The following NOSTRIN variants were observed in gnomAD, a reference collection of about 807,000 sequenced individuals.
NOSTRIN encodes the protein nitric oxide synthase trafficking, also known as BM247 homolog.
NOSTRIN carries 63 observed loss-of-function variants against 59.0 expected under a neutral mutation model. The observed-to-expected ratio is 1.07, with a 90% confidence interval of 0.87 to 1.32. NOSTRIN has a LOEUF of 1.32. Ranked by LOEUF, NOSTRIN falls within the 40% of genes most tolerant of loss-of-function variation. The pLI, the probability that NOSTRIN is intolerant of heterozygous loss-of-function variation, is 0.00. For missense variants in NOSTRIN, 512 were observed against 473.1 expected, an observed-to-expected ratio of 1.08 and a Z score of -0.76; for synonymous variants, 200 against 165.4, an observed-to-expected ratio of 1.21 and a Z score of -1.61.
chr2:168,863,528 G>T (rs1432438641), intron 15 of NOSTRIN: 2 of 985,156 alleles, frequency 2.0e-6, no homozygotes, highest in Non-Finnish European at 2.4e-6. Flanking sequence ...CATGTTTCTT[G>T]TCCAATTCTC....
intron 2 of NOSTRIN, among the ~76,000 whole-genome samples, chr2:168,820,999 A>T (rs1686704123): frequency 6.6e-6 from 1 of 152,202 alleles, no homozygotes; most frequent in South Asian, 2.1e-4. Context: ...GAGCCAACGG[A>T]CAAGAAAACG....
At chr2:168,838,910 A>G (rs773952070) in intron 7 of NOSTRIN, among the ~76,000 whole-genome samples, 23 of 151,698 alleles carry the variant, frequency 1.5e-4, no homozygotes, top group Admixed American at 1.1e-3. Flanking sequence ...TAGCCTCCCA[A>G]GTAGCTGGGA....
chr2:168,864,301 G>C (rs1288482304), intron 15 of NOSTRIN, among the ~76,000 whole-genome samples: 4 of 144,056 alleles, frequency 2.8e-5, no homozygotes, highest in African/African-American at 1.0e-4. Context: ...TTTTTTCTGA[G>C]ACAGAGTCTT....
intron 8 of NOSTRIN, among the ~76,000 whole-genome samples, chr2:168,844,742 C>T (rs945015358): frequency 2.6e-5 from 4 of 152,018 alleles, no homozygotes; most frequent in East Asian, 1.9e-4. Context: ...TGGTGGCGGG[C>T]GCCTGTTGTC....
At chr2:168,811,981 T>C (rs1686163412) in intron 2 of NOSTRIN, 1 of 172,380 alleles carries the variant, frequency 5.8e-6, no homozygotes, top group Non-Finnish European at 1.2e-5. Context: ...CCGACAGCAA[T>C]TATTTACATT....
intron 7 of NOSTRIN, among the ~76,000 whole-genome samples, chr2:168,838,631 A>G (rs1687878108): frequency 6.6e-6 from 1 of 151,940 alleles, no homozygotes; most frequent in Non-Finnish European, 1.5e-5. Context: ...GTTTTTTGTA[A>G]CCAACAAATC....
intron 7 of NOSTRIN, 38 bp from the exon 8 acceptor site, chr2:168,842,954 T>G (rs762832904): frequency 1.2e-6 from 1 of 859,088 alleles, no homozygotes; most frequent in East Asian, 2.4e-5. Flanking sequence ...CTTTCAAAAA[T>G]GTGTTAGTAA....
chr2:168,859,442 C>T lies in NOSTRIN; in HGVS notation c.1054-70C>T, dbSNP rs1689306912. Reference sequence around the variant, plus strand: ...AACCTTTGTTATTTTGAAAGTTATTCTGATATTCCTATCCAGTTGTGCCTC... The same window carrying T: ...AACCTTTGTTATTTTGAAAGTTATTTTGATATTCCTATCCAGTTGTGCCTC... On this transcript the variant is annotated intron_variant, in intron 12 of 15. Transcript: ENST00000317647. 5 of 1,563,904 alleles carry T rather than the reference C, an allele frequency of 3.2e-6. No individual in the cohort carries two copies. The South Asian group carries it at 4.8e-5, about 15-fold the overall frequency.
In NOSTRIN at chr2:168,865,061, T is replaced by C. The variant is rs967331463; in HGVS notation, c.*91T>C. ...ATAAAGTGCTCTTACCTTTACATGTTTTTCTTTTGAAATGGATGGAGTTCT... is the reference window on the plus strand; with the variant it reads ...ATAAAGTGCTCTTACCTTTACATGTCTTTCTTTTGAAATGGATGGAGTTCT... On this transcript the variant is annotated 3_prime_UTR_variant, in exon 16 of 16. Coordinates refer to ENST00000317647, the MANE Select transcript of NOSTRIN (RefSeq NM_001039724.4). 1 of 1,415,774 alleles carries C rather than the reference T, an allele frequency of 7.1e-7. No individual in the cohort carries two copies. The highest frequency in any genetic ancestry group is 9.6e-7 in the Non-Finnish European group (1 of 1,038,740). The allele number at this position is 1,415,774 out of a possible 1,614,324, so 87.7% of individuals were successfully genotyped here. A position where few individuals can be genotyped will look rare whatever the true frequency, so the allele number is the denominator to read the frequency against.
intron 15 of NOSTRIN, chr2:168,863,548 CTCTT>C: frequency 1.0e-6 from 1 of 985,250 alleles, no homozygotes; most frequent in Non-Finnish European, 1.2e-6. Context: ...CTATGGAATT[CTCTT>C]TATTTGAATC....
chr2:168,824,412 C>T lies in NOSTRIN; in HGVS notation c.114-222C>T, dbSNP rs558204905. Among the ~76,000 whole-genome samples, 6 of 152,228 alleles carry T rather than the reference C, an allele frequency of 3.9e-5. No homozygotes were observed. The South Asian group carries it at 1.2e-3, about 32-fold the overall frequency. On this transcript the variant is annotated intron_variant, in intron 2 of 15. Coordinates refer to ENST00000317647, the MANE Select transcript of NOSTRIN (RefSeq NM_001039724.4). Reference sequence around the variant, plus strand: ...TTCCCATGCTCAAGCGATTCTCGCACCTCAGCCTCCCAAGTAGCTGGGATT... The same window carrying T: ...TTCCCATGCTCAAGCGATTCTCGCATCTCAGCCTCCCAAGTAGCTGGGATT...
chr2:168,851,489 TATC>T (rs1688768654), intron 10 of NOSTRIN, 85 bp downstream of exon 10: 1 of 1,498,926 alleles, frequency 6.7e-7, no homozygotes, highest in African/African-American at 1.4e-5. Context: ...TGAAAGCAAA[TATC>T]ATGTTTTATC....
intron 13 of NOSTRIN, 42 bp downstream of exon 13, chr2:168,859,679 T>G (rs1400580229): frequency 6.2e-7 from 1 of 1,607,630 alleles, no homozygotes; most frequent in Non-Finnish European, 8.5e-7. Flanking sequence ...TGATTGGGCC[T>G]GCTGGGTGGA....
At chr2:168,820,192 T>A (rs1326386951) in intron 2 of NOSTRIN, among the ~76,000 whole-genome samples, 1 of 152,242 alleles carries the variant, frequency 6.6e-6, no homozygotes, top group African/African-American at 2.4e-5. Flanking sequence ...CCAGCCAGAC[T>A]GCCCAGGGCT....
At chr2:168,848,021 C>T (rs186515932) in intron 8 of NOSTRIN, among the ~76,000 whole-genome samples, 2 of 152,298 alleles carry the variant, frequency 1.3e-5, no homozygotes, top group East Asian at 3.9e-4. Flanking sequence ...ACTAGGGATG[C>T]AATATGTTCT....
chr2:168,786,608 C>T (rs1685209022), exon 1 of NOSTRIN: 1 of 152,078 alleles, frequency 6.6e-6, no homozygotes, highest in African/African-American at 2.4e-5. Context: ...AGGGAAGAAT[C>T]AGGAGAAAAG....
In NOSTRIN at chr2:168,826,479, T is replaced by C. The variant is rs140283947; in HGVS notation, c.198-1679T>C. Among the ~76,000 whole-genome samples, 927 of 148,468 alleles carry C rather than the reference T, an allele frequency of 6.2e-3. 4 individuals carry two copies. The highest frequency in any genetic ancestry group is 0.01 in the Middle Eastern group (3 of 288). ...CTTCCTCCCTTGCTTCCTTCGTTCC[T>C]TCTCTTTCCATTTTTACCCTGTCTT... is the stretch of plus-strand genomic sequence containing the variant. On this transcript the variant is annotated intron_variant, in intron 3 of 15. Coordinates refer to ENST00000317647, the MANE Select transcript of NOSTRIN (RefSeq NM_001039724.4).
chr2:168,849,332 A>G (rs898172190), intron 8 of NOSTRIN, among the ~76,000 whole-genome samples: 1 of 151,598 alleles, frequency 6.6e-6, no homozygotes, highest in Non-Finnish European at 1.5e-5. Flanking sequence ...CAGGCCTTGT[A>G]TTTTTTCTTT....
chr2:168,804,401 A>G (rs771758100), intron 1 of NOSTRIN, among the ~76,000 whole-genome samples: 8 of 152,188 alleles, frequency 5.3e-5, no homozygotes, highest in Non-Finnish European at 8.8e-5. Flanking sequence ...TGGGTTTCCA[A>G]ACCCTCTAAA....
Sources: allele counts gnomAD v4.1 joint callset (sites outside exome capture counted in the v4.1 genomes callset), GRCh38; gene constraint gnomAD v4.1.1; transcripts MANE v1.5; gene names NCBI Gene and HGNC (gene_info 2026-07-23, HGNC 2026-07-21).